The following PHKA1 variants were observed in gnomAD, a reference collection of about 807,000 sequenced individuals.
PHKA1 encodes phosphorylase b kinase regulatory subunit alpha, skeletal muscle isoform.
Under a neutral mutation model 110.2 loss-of-function variants are expected in PHKA1, and 60 were observed. The observed-to-expected ratio is 0.54, with a 90% CI of 0.44 to 0.68. The LOEUF is 0.68. Ranked by LOEUF, PHKA1 falls within the 30% of genes least tolerant of loss-of-function variation. The pLI, the probability that PHKA1 is intolerant of heterozygous loss-of-function variation, is 0.00. For synonymous variants in PHKA1, 316 were observed against 333.6 expected, an observed-to-expected ratio of 0.95 and a Z score of 0.58; for missense variants, 801 against 942.5, an observed-to-expected ratio of 0.85 and a Z score of 1.97.
At chrX:72,584,743 T>G in intron 29 of PHKA1, among the ~76,000 whole-genome samples, 1 of 110,773 alleles carries the variant, frequency 9.0e-6, no homozygotes, top group Admixed American at 9.6e-5. Context: ...CTTTTTTTTT[T>G]AACACTTGTT....
intron 28 of PHKA1, among the ~76,000 whole-genome samples, chrX:72,598,421 G>A (rs1376727326): frequency 8.9e-6 from 1 of 111,737 alleles, no homozygotes; most frequent in African/African-American, 3.3e-5. Context: ...GTAAAATGGT[G>A]CAGCCCTTTT....
intron 3 of PHKA1, among the ~76,000 whole-genome samples, chrX:72,699,371 G>A (rs1316511804): frequency 9.3e-6 from 1 of 107,632 alleles, no homozygotes; most frequent in Non-Finnish European, 1.9e-5. Context: ...GCTGGGTGTG[G>A]TGGCGTGCTT....
At chrX:72,681,461 C>T (rs1397921281) in intron 5 of PHKA1, among the ~76,000 whole-genome samples, 1 of 104,109 alleles carries the variant, frequency 9.6e-6, no homozygotes, top group African/African-American at 3.4e-5. Flanking sequence ...GTCAGCCCCC[C>T]CGCCCGGCCA....
At chrX:72,616,573 C>T in intron 21 of PHKA1, among the ~76,000 whole-genome samples, 1 of 111,216 alleles carries the variant, frequency 9.0e-6, no homozygotes, top group Non-Finnish European at 1.9e-5. Flanking sequence ...TTCAACAGCC[C>T]ATTTTCAGTA....
At position 72,711,668 on chromosome X, in the gene PHKA1, C is replaced by T. The variant is rs781933083; in HGVS notation, c.237+1111G>A. On this transcript the variant is annotated intron_variant, in intron 2 of 31. Transcript: ENST00000373542. ...CTGAGGCAGGAGAATCGCTTGAACA[C>T]AGGAGGTGGAGGTTGCAGTGAGCTG... is the stretch of plus-strand genomic sequence containing the variant. Among the ~76,000 whole-genome samples, 347 of 111,817 alleles carry T rather than the reference C, an allele frequency of 3.1e-3. 1 individual carries two copies. Among genetic ancestry groups the T allele is most frequent in the African/African-American group, 0.011 (337 of 30,759 alleles).
chrX:72,689,280 C>G (rs1556320027), intron 4 of PHKA1, among the ~76,000 whole-genome samples: 1 of 112,050 alleles, frequency 8.9e-6, no homozygotes, highest in East Asian at 2.8e-4. Context: ...ACACTGTCAT[C>G]ACTCCAAAAG....
chrX:72,710,774 T>G (rs968756129), intron 2 of PHKA1, among the ~76,000 whole-genome samples: 1 of 111,274 alleles, frequency 9.0e-6, no homozygotes, highest in African/African-American at 3.2e-5. Context: ...GAATGGGCAA[T>G]TCAATGTTTC....
chrX:72,592,699 C>T (rs1162812294), intron 29 of PHKA1, among the ~76,000 whole-genome samples: 1 of 112,486 alleles, frequency 8.9e-6, no homozygotes, highest in African/African-American at 3.2e-5. Flanking sequence ...CTTGGTTTTA[C>T]TCTACTGATA....
chrX:72,646,071 A>C (rs192086481), intron 13 of PHKA1, among the ~76,000 whole-genome samples: 17 of 112,528 alleles, frequency 1.5e-4, no homozygotes, highest in Admixed American at 1.3e-3. Flanking sequence ...GGGAAGAACC[A>C]CATACACTTC....
intron 21 of PHKA1, among the ~76,000 whole-genome samples, chrX:72,614,189 A>C (rs1556265207): frequency 1.8e-5 from 2 of 111,806 alleles, no homozygotes; most frequent in African/African-American, 6.5e-5. Context: ...TGAATTATTT[A>C]GGGTTAGATG....
chrX:72,645,262 C>G (rs1379147849), intron 13 of PHKA1, among the ~76,000 whole-genome samples: 1 of 112,379 alleles, frequency 8.9e-6, no homozygotes. Flanking sequence ...TGACACTAAG[C>G]AACTGTGGCA....
intron 9 of PHKA1, 148 bp downstream of exon 9, chrX:72,657,440 T>C: frequency 2.2e-6 from 1 of 460,776 alleles, no homozygotes; most frequent in Non-Finnish European, 3.7e-6. Context: ...CTAAGCCAAG[T>C]TCAACAAATA....
intron 16 of PHKA1, among the ~76,000 whole-genome samples, chrX:72,629,443 T>C (rs1556285402): frequency 8.9e-6 from 1 of 111,937 alleles, no homozygotes; most frequent in East Asian, 2.8e-4. Flanking sequence ...TCTGTTGCTA[T>C]ATCTCCTTTG....
chrX:72,605,180 A>C, intron 25 of PHKA1, 91 bp downstream of exon 25: 1 of 894,592 alleles, frequency 1.1e-6, no homozygotes, highest in East Asian at 3.2e-5. Flanking sequence ...TATGGATAAA[A>C]ATGTTTTAGC....
intron 8 of PHKA1, among the ~76,000 whole-genome samples, chrX:72,665,300 G>C (rs187546107): frequency 9.0e-6 from 1 of 111,704 alleles, no homozygotes; most frequent in East Asian, 2.8e-4. Context: ...AGAGAAAACA[G>C]ATACATTTCT....
chrX:72,618,301 T>C (rs1388149025), intron 21 of PHKA1, among the ~76,000 whole-genome samples: 3 of 112,001 alleles, frequency 2.7e-5, no homozygotes, highest in African/African-American at 9.7e-5. Flanking sequence ...CCTAGCAGGA[T>C]GCCTGACACA....
chrX:72,648,741 A>C (rs1254487124), intron 13 of PHKA1, among the ~76,000 whole-genome samples: 1 of 111,883 alleles, frequency 8.9e-6, no homozygotes, highest in Non-Finnish European at 1.9e-5. Flanking sequence ...ACTAGGGGAA[A>C]ATAGAAACAA....
chrX:72,627,418 C>T (rs1300573976), intron 16 of PHKA1, among the ~76,000 whole-genome samples: 1 of 112,249 alleles, frequency 8.9e-6, no homozygotes, highest in Non-Finnish European at 1.9e-5. Context: ...ATTTTATACA[C>T]ATTATCTCAT....
intron 14 of PHKA1, among the ~76,000 whole-genome samples, chrX:72,636,739 T>G (rs1260505626): frequency 8.9e-6 from 1 of 112,682 alleles, no homozygotes; most frequent in African/African-American, 3.2e-5. Context: ...GTTCTGAAAC[T>G]GTTTTACCCA....
Sources: allele counts gnomAD v4.1 joint callset (sites outside exome capture counted in the v4.1 genomes callset), GRCh38; gene constraint gnomAD v4.1.1; transcripts MANE v1.5; gene names NCBI Gene and HGNC (gene_info 2026-07-23, HGNC 2026-07-21).